Variants in SPATS2 observed in about 807,000 individuals in gnomAD.
SPATS2 encodes spermatogenesis-associated serine-rich protein 2.
A neutral mutation model predicts 63.7 loss-of-function variants in SPATS2; 38 were observed. That is an observed-to-expected ratio of 0.60 (90% CI 0.46 to 0.78). SPATS2 has a LOEUF of 0.78. Among genes scored for constraint, SPATS2 ranks in the 30% least tolerant of loss-of-function variants. The probability of loss-of-function intolerance (pLI) is 0.00; values close to 1 mark genes in which losing one functional copy is unlikely to be tolerated. For missense variants in SPATS2, 588 were observed against 666.2 expected, an observed-to-expected ratio of 0.88 and a Z score of 1.29; for synonymous variants, 207 against 232.9, an observed-to-expected ratio of 0.89 and a Z score of 1.01.
intron 2 of SPATS2, among the ~76,000 whole-genome samples, chr12:49,384,501 A>G (rs1259385902): frequency 6.6e-6 from 1 of 152,172 alleles, no homozygotes; most frequent in Non-Finnish European, 1.5e-5. Context: ...TTCTGTATAG[A>G]TGTAGAAACA....
intron 13 of SPATS2, among the ~76,000 whole-genome samples, 160 bp downstream of exon 13, chr12:49,525,056 C>T (rs1165145216): frequency 1.3e-5 from 2 of 152,202 alleles, no homozygotes; most frequent in African/African-American, 2.4e-5. Context: ...GCATTAGATA[C>T]GTATGTTCCA....
At chr12:49,469,763 C>G (rs1946002144) in intron 3 of SPATS2, among the ~76,000 whole-genome samples, 1 of 151,460 alleles carries the variant, frequency 6.6e-6, no homozygotes, top group Non-Finnish European at 1.5e-5. Context: ...TGCTGCACGC[C>G]TGTAATCCCA....
intron 3 of SPATS2, among the ~76,000 whole-genome samples, chr12:49,464,906 C>T (rs1003844844): frequency 2.0e-5 from 3 of 152,144 alleles, no homozygotes; most frequent in African/African-American, 7.2e-5. Context: ...CCTACCCCAG[C>T]CACAGGCAAA....
intron 3 of SPATS2, among the ~76,000 whole-genome samples, chr12:49,481,924 C>G (rs1382056558): frequency 2.6e-5 from 4 of 152,026 alleles, no homozygotes; most frequent in African/African-American, 9.7e-5. Context: ...AGATGAAATC[C>G]TGCCTTATTT....
intron 2 of SPATS2, among the ~76,000 whole-genome samples, chr12:49,394,955 C>T (rs1377487364): frequency 1.3e-5 from 2 of 151,900 alleles, no homozygotes; most frequent in African/African-American, 4.8e-5. Context: ...GGCCTGTAAT[C>T]CCAGCTACTC....
At chr12:49,502,631 A>G (rs1039692986) in intron 9 of SPATS2, among the ~76,000 whole-genome samples, 6 of 151,890 alleles carry the variant, frequency 4.0e-5, no homozygotes, top group African/African-American at 1.2e-4. Flanking sequence ...TAATTTTTTA[A>G]TTTTTTGTAG....
chr12:49,429,861 A>G (rs1592386967), intron 2 of SPATS2, among the ~76,000 whole-genome samples: 1 of 148,236 alleles, frequency 6.7e-6, no homozygotes, highest in Non-Finnish European at 1.5e-5. Flanking sequence ...GCTCACTGCA[A>G]CCTCCGCCTC....
intron 1 of SPATS2, among the ~76,000 whole-genome samples, chr12:49,368,495 G>A (rs1943942473): frequency 6.6e-6 from 1 of 152,172 alleles, no homozygotes; most frequent in Non-Finnish European, 1.5e-5. Context: ...TGACCAAAAG[G>A]TGATGGATAA....
At chr12:49,463,043 C>T (rs902167427) in intron 3 of SPATS2, 1 of 152,156 alleles carries the variant, frequency 6.6e-6, no homozygotes, top group African/African-American at 2.4e-5. Context: ...CTCCTGTCCC[C>T]ATCAGTTGCT....
At chr12:49,430,805 A>G (rs573277701) in intron 2 of SPATS2, among the ~76,000 whole-genome samples, 5 of 150,646 alleles carry the variant, frequency 3.3e-5, no homozygotes, top group African/African-American at 4.8e-5. Context: ...GGTTCAAGCA[A>G]TTCTCCTGCC....
At chr12:49,477,962 C>CTTTTT (rs1002916907) in intron 3 of SPATS2, among the ~76,000 whole-genome samples, 2 of 105,246 alleles carry the variant, frequency 1.9e-5, no homozygotes, top group South Asian at 3.1e-4. Flanking sequence ...GTGGTTTTGT[C>CTTTTT]TTTTTTTTTT....
intron 9 of SPATS2, among the ~76,000 whole-genome samples, chr12:49,512,039 A>G (rs1946762064): frequency 6.6e-6 from 1 of 152,248 alleles, no homozygotes; most frequent in Admixed American, 6.5e-5. Flanking sequence ...AAATAACCTA[A>G]AAATAGGTCA....
At chr12:49,387,660 GAA>G (rs1270118940) in intron 2 of SPATS2, among the ~76,000 whole-genome samples, 2 of 133,330 alleles carry the variant, frequency 1.5e-5, no homozygotes, top group Non-Finnish European at 3.2e-5. Flanking sequence ...AAAAAAAAAA[GAA>G]TGTGGGAGAT....
chr12:49,406,720 C>A (rs975585607), intron 2 of SPATS2, among the ~76,000 whole-genome samples: 1 of 151,754 alleles, frequency 6.6e-6, no homozygotes, highest in African/African-American at 2.4e-5. Flanking sequence ...AGAACTATAA[C>A]CCTATTAAAA....
At chr12:49,414,682 GC>G (rs1944854596) in intron 2 of SPATS2, among the ~76,000 whole-genome samples, 1 of 151,840 alleles carries the variant, frequency 6.6e-6, no homozygotes, top group Non-Finnish European at 1.5e-5. Flanking sequence ...ATAGCTCACT[GC>G]AGCCTTGAAC....
At chr12:49,455,657 C>T (rs1052430452) in intron 2 of SPATS2, among the ~76,000 whole-genome samples, 6 of 151,830 alleles carry the variant, frequency 4.0e-5, no homozygotes, top group Non-Finnish European at 7.4e-5. Context: ...GGTCTCATTC[C>T]GTTGCTTAGG....
At chr12:49,493,099 TA>T (rs559171414) in intron 6 of SPATS2, among the ~76,000 whole-genome samples, 38,834 of 126,312 alleles carry the variant, frequency 0.31, 7,193 homozygotes, top group African/African-American at 0.57. Flanking sequence ...ACTCCGTCTT[TA>T]AAAAAAAAAA....
At chr12:49,508,857 A>G (rs560126009) in intron 9 of SPATS2, among the ~76,000 whole-genome samples, 2 of 151,830 alleles carry the variant, frequency 1.3e-5, no homozygotes, top group South Asian at 4.2e-4. Context: ...TGAGGTCAGG[A>G]GTTTGAAACC....
At position 49,467,058 on chromosome 12, in the gene SPATS2, T is replaced by G. The variant is rs58847109; in HGVS notation, c.25+6021T>G. Among the ~76,000 whole-genome samples the G allele has an allele frequency of 2.6e-3, 359 of 136,840 alleles. 1 individual carries two copies. The highest frequency in any genetic ancestry group is 9.5e-3 in the African/African-American group (348 of 36,498). 89.8% of individuals were successfully genotyped at this position (136,840 alleles called of 152,430 possible). A position where few individuals can be genotyped will look rare whatever the true frequency, so the allele number is the denominator to read the frequency against. On this transcript the variant is annotated intron_variant, in intron 3 of 13. Coordinates refer to ENST00000552918, the MANE Select transcript of SPATS2 (RefSeq NM_023071.4). ...ATTTGTTCTTTGTTTTTTTTTTTTT[T>G]TTTTTTTTTTTTGATGGAGTCTCAC...
Sources: gnomAD v4.1 joint callset for allele counts (sites outside exome capture counted in the v4.1 genomes callset) on GRCh38, gnomAD v4.1.1 for gene constraint, MANE v1.5 for transcripts, NCBI Gene and HGNC (gene_info 2026-07-23, HGNC 2026-07-21) for gene names.